The following STK3 variants were observed in gnomAD, a reference collection of about 807,000 sequenced individuals.
STK3 encodes serine/threonine kinase 3.
A neutral mutation model predicts 58.0 loss-of-function variants in STK3; 41 were observed. That is an observed-to-expected ratio of 0.71 (90% CI 0.55 to 0.92). The LOEUF (loss-of-function observed/expected upper bound fraction) is 0.92. Ranked by LOEUF, STK3 falls within the 40% of genes least tolerant of loss-of-function variation. The pLI, the probability that STK3 is intolerant of heterozygous loss-of-function variation, is 0.00. For synonymous variants in STK3, 170 were observed against 191.0 expected (o/e 0.89, Z 0.91); for missense variants, 479 against 602.7 (o/e 0.79, Z 2.15).
Position 98,825,651 on chromosome 8 carries a change from A to G in STK3, c.-111T>C. 8.3e-7 allele frequency: 1 copy of G among 1,200,764 alleles called. No homozygotes were observed. Among genetic ancestry groups the G allele is most frequent in the Non-Finnish European group, 1.0e-6 (1 of 956,082 alleles). 74.4% of individuals were successfully genotyped at this position (1,200,764 alleles called of 1,614,324 possible). A position where few individuals can be genotyped will look rare whatever the true frequency, so the allele number is the denominator to read the frequency against. On this transcript the variant is annotated 5_prime_UTR_variant, in exon 1 of 11. Transcript: ENST00000419617. Reference sequence around the variant, plus strand: ...GGGCACCACAGAGGGAAACTCTGGGAACTCGGACCAACTTTCCCGTAACTC... The same window carrying G: ...GGGCACCACAGAGGGAAACTCTGGGGACTCGGACCAACTTTCCCGTAACTC...
chr8:98,570,275 T>G (rs1563750671), intron 8 of STK3, among the ~76,000 whole-genome samples: 2 of 150,876 alleles, frequency 1.3e-5, no homozygotes, highest in African/African-American at 2.4e-5. Context: ...ACTACAGGCA[T>G]GCATCACCAA....
intron 1 of STK3, among the ~76,000 whole-genome samples, chr8:98,778,251 T>C (rs924057339): frequency 1.3e-5 from 2 of 152,218 alleles, no homozygotes; most frequent in African/African-American, 2.4e-5. Context: ...AAAGAAGACA[T>C]TTATGCAGCC....
At chr8:98,716,625 T>G (rs1329029270) in intron 4 of STK3, among the ~76,000 whole-genome samples, 4 of 152,118 alleles carry the variant, frequency 2.6e-5, no homozygotes, top group Non-Finnish European at 4.4e-5. Context: ...ACAGATTCAA[T>G]GTAATCCCTA....
intron 1 of STK3, among the ~76,000 whole-genome samples, chr8:98,777,362 T>C (rs1254783616): frequency 2.0e-5 from 3 of 151,898 alleles, no homozygotes; most frequent in Non-Finnish European, 4.4e-5. Flanking sequence ...CCTGTCTCTA[T>C]TAAAAAATAC....
the STK3 span, among the ~76,000 whole-genome samples, chr8:98,360,129 C>T: frequency 2.0e-5 from 3 of 152,312 alleles, no homozygotes; most frequent in African/African-American, 4.8e-5. Context: ...TACTTACCTT[C>T]GGGGTCTTTG....
At chr8:98,865,796 G>T (rs559530003) in intron 3 of STK3, among the ~76,000 whole-genome samples, 1 of 152,186 alleles carries the variant, frequency 6.6e-6, no homozygotes, top group South Asian at 2.1e-4. Flanking sequence ...TCTATATTAC[G>T]TTGCAACACA....
At chr8:98,694,558 T>A (rs983106671) in intron 6 of STK3, among the ~76,000 whole-genome samples, 18 of 152,294 alleles carry the variant, frequency 1.2e-4, no homozygotes, top group African/African-American at 4.3e-4. Context: ...TGTCCATATG[T>A]TCTCATTGTT....
At chr8:98,707,124 G>A in intron 5 of STK3, 23 bp downstream of exon 5, 1 of 1,583,654 alleles carries the variant, frequency 6.3e-7, no homozygotes, top group South Asian at 1.2e-5. Flanking sequence ...CAAGTGTTTA[G>A]AAAACCATTA....
At chr8:98,559,105 G>T (rs932044417) in intron 8 of STK3, among the ~76,000 whole-genome samples, 1 of 152,100 alleles carries the variant, frequency 6.6e-6, no homozygotes, top group African/African-American at 2.4e-5. Flanking sequence ...TCATGTGCAA[G>T]TATACACCTT....
At chr8:98,591,137 A>G (rs1009097114) in intron 7 of STK3, among the ~76,000 whole-genome samples, 6 of 152,200 alleles carry the variant, frequency 3.9e-5, no homozygotes, top group African/African-American at 1.4e-4. Flanking sequence ...CTGATATTTG[A>G]TATTTTCCCA....
intron 6 of STK3, among the ~76,000 whole-genome samples, chr8:98,611,075 A>G (rs576712569): frequency 1.3e-5 from 2 of 152,254 alleles, no homozygotes; most frequent in East Asian, 3.9e-4. Flanking sequence ...GATACAAAGA[A>G]CTGGGTTAAA....
intron 3 of STK3, among the ~76,000 whole-genome samples, chr8:98,424,020 T>A (rs921474140): frequency 2.0e-5 from 3 of 152,238 alleles, no homozygotes; most frequent in Non-Finnish European, 4.4e-5. Context: ...GGCTGTATTT[T>A]AAGATCAGGG....
At chr8:98,515,434 T>A (rs6995506) in intron 10 of STK3, among the ~76,000 whole-genome samples, 69,903 of 151,474 alleles carry the variant, frequency 0.46, 16,311 homozygotes, top group South Asian at 0.51. Context: ...CTAAGCCAAC[T>A]CAGTCTGCAC....
At chr8:98,442,290 C>A (rs1400219672) in intron 1 of STK3, among the ~76,000 whole-genome samples, 1 of 152,254 alleles carries the variant, frequency 6.6e-6, no homozygotes, top group African/African-American at 2.4e-5. Flanking sequence ...AGCACCTCAT[C>A]CATTCCTGTT....
chr8:98,362,352 C>A, the STK3 span, among the ~76,000 whole-genome samples: 2 of 151,846 alleles, frequency 1.3e-5, no homozygotes, highest in South Asian at 2.1e-4. Context: ...GGCTGCAACA[C>A]TTTTTTTTGA....
At chr8:98,505,978 T>C (rs1563678154) in intron 10 of STK3, among the ~76,000 whole-genome samples, 1 of 152,238 alleles carries the variant, frequency 6.6e-6, no homozygotes, top group South Asian at 2.1e-4. Context: ...TGCTGCCTTT[T>C]GTTCAGCTAT....
rs564665379 is a variant in STK3, at chr8:98,601,119, T to C, written c.685-4950A>G. ...GAGCTGAGAGGCTGAGGAAGGTGGA[T>C]TGCTTGAGCCCAGGAGCTCAAGACA... On this transcript the variant is annotated intron_variant, in intron 6 of 10. Coordinates refer to ENST00000419617, the MANE Select transcript of STK3 (RefSeq NM_006281.4). Among the ~76,000 whole-genome samples the C allele has an allele frequency of 7.2e-5, 11 of 152,198 alleles. No individual in the cohort carries two copies. The South Asian group carries it at 2.3e-3, about 32-fold the overall frequency.
In STK3 at chr8:98,523,864, A is replaced by C. The variant is rs28798756; in HGVS notation, c.1317+2878T>G. On this transcript the variant is annotated intron_variant, in intron 10 of 10. Transcript: ENST00000419617. ...TGATGCACACAAGTTTTCCATTTTG[A>C]TGTAGTCCAATTTATCTATTTTTTG... Among the ~76,000 whole-genome samples, 356 of 152,174 alleles carry C rather than the reference A, an allele frequency of 2.3e-3. 1 individual carries two copies. Among genetic ancestry groups the C allele is most frequent in the African/African-American group, 7.9e-3 (329 of 41,512 alleles).
chr8:98,549,944 C>T (rs1039113709), intron 8 of STK3, among the ~76,000 whole-genome samples: 2 of 152,084 alleles, frequency 1.3e-5, no homozygotes, highest in Non-Finnish European at 2.9e-5. Flanking sequence ...GAGTTTGAGG[C>T]TACAGTGAGC....
Sources: gnomAD v4.1 joint callset for allele counts (sites outside exome capture counted in the v4.1 genomes callset) on GRCh38, gnomAD v4.1.1 for gene constraint, MANE v1.5 for transcripts, NCBI Gene and HGNC (gene_info 2026-07-23, HGNC 2026-07-21) for gene names.